The following REV1 variants were observed in gnomAD, a reference collection of about 807,000 sequenced individuals.
REV1 encodes translesion synthesis protein REV1.
REV1 carries 42 observed loss-of-function variants against 137.4 expected under a neutral mutation model. The ratio of observed to expected loss-of-function variants is 0.31; its 90% CI spans 0.24 to 0.40. The LOEUF (loss-of-function observed/expected upper bound fraction) is 0.40. Ranked by LOEUF, REV1 falls within the 10% of genes least tolerant of loss-of-function variation. REV1 has a pLI of 1.00. For synonymous variants in REV1, 524 were observed against 519.2 expected (o/e 1.01, Z -0.12); for missense variants, 1,282 against 1,490.1 (o/e 0.86, Z 2.30).
chr2:99,406,208 T>C, intron 16 of REV1, 102 bp from the exon 17 acceptor site: 1 of 1,399,128 alleles, frequency 7.1e-7, no homozygotes, highest in African/African-American at 1.4e-5. Context: ...TGATTCATCA[T>C]AATGAAGAAT....
At chr2:99,445,270 G>T (rs563685555) in intron 4 of REV1, among the ~76,000 whole-genome samples, 1 of 152,254 alleles carries the variant, frequency 6.6e-6, no homozygotes, top group East Asian at 1.9e-4. Flanking sequence ...TGACTCATAT[G>T]TAAGCACATG....
intron 11 of REV1, among the ~76,000 whole-genome samples, chr2:99,419,227 T>TG (rs1224346643): frequency 1.2e-4 from 17 of 141,180 alleles, no homozygotes; most frequent in South Asian, 4.4e-4. Flanking sequence ...TTTTTTTTTT[T>TG]GGGGGATGGA....
intron 1 of REV1, among the ~76,000 whole-genome samples, chr2:99,486,314 G>A (rs909589658): frequency 2.6e-5 from 4 of 152,236 alleles, no homozygotes; most frequent in Admixed American, 2.6e-4. Flanking sequence ...CGGATCACGA[G>A]GTCAGGAGAC....
chr2:99,430,603 G>C (rs1679990583), intron 8 of REV1, among the ~76,000 whole-genome samples: 1 of 152,170 alleles, frequency 6.6e-6, no homozygotes, highest in South Asian at 2.1e-4. Flanking sequence ...ATTCAAGTGT[G>C]ATCAGAGTAT....
At chr2:99,427,948 C>T (rs985575692) in intron 9 of REV1, among the ~76,000 whole-genome samples, 8 of 151,918 alleles carry the variant, frequency 5.3e-5, no homozygotes, top group East Asian at 1.9e-4. Context: ...TTATATTTAC[C>T]GTGGGTAAAT....
At chr2:99,442,559 T>C in intron 4 of REV1, 90 bp from the exon 5 acceptor site, 1 of 1,202,324 alleles carries the variant, frequency 8.3e-7, no homozygotes, top group South Asian at 1.3e-5. Context: ...AGATACAGTA[T>C]TTCACCAACA....
intron 9 of REV1, among the ~76,000 whole-genome samples, chr2:99,426,597 C>A (rs1679405779): frequency 6.6e-6 from 1 of 152,010 alleles, no homozygotes. Context: ...CTTAGGTTTG[C>A]CATACTAAGG....
At chr2:99,419,205 AT>A (rs774732084) in intron 11 of REV1, among the ~76,000 whole-genome samples, 3,420 of 115,962 alleles carry the variant, frequency 0.029, 34 homozygotes, top group Middle Eastern at 0.042. Flanking sequence ...AGCAGTCCTG[AT>A]TTTTTTTTTT....
intron 4 of REV1, among the ~76,000 whole-genome samples, chr2:99,445,774 A>T (rs1205693713): frequency 6.6e-6 from 1 of 152,198 alleles, no homozygotes; most frequent in Non-Finnish European, 1.5e-5. Flanking sequence ...TCATGAAAGG[A>T]TTCCCTTGCC....
intron 8 of REV1, among the ~76,000 whole-genome samples, chr2:99,432,761 G>A (rs975021295): frequency 5.3e-5 from 8 of 152,116 alleles, no homozygotes; most frequent in African/African-American, 1.9e-4. Context: ...AGATGTGAAG[G>A]GGATGTGATT....
Position 99,447,991 on chromosome 2 carries a change from C to T in REV1, c.350+1345G>A, listed in dbSNP as rs181884881. Among the ~76,000 whole-genome samples the T allele has an allele frequency of 6.4e-4, 97 of 152,254 alleles. 3 individuals are homozygous for T. The East Asian group carries it at 0.017, about 26-fold the overall frequency. On this transcript the variant is annotated intron_variant, in intron 4 of 22. Transcript: ENST00000258428. ...GATTACAGGCATGAGCCACCATGCC[C>T]GGCCAAGCATAAAGTTTCTAAAATT...
intron 1 of REV1, 150 bp from the exon 2 acceptor site, chr2:99,465,135 C>T: frequency 1.5e-6 from 1 of 672,710 alleles, no homozygotes; most frequent in Non-Finnish European, 2.5e-6. Flanking sequence ...TTCTGAAGTT[C>T]TCCATTCTCC....
chr2:99,445,011 T>C (rs567164309), intron 4 of REV1, among the ~76,000 whole-genome samples: 2 of 152,316 alleles, frequency 1.3e-5, no homozygotes, highest in South Asian at 2.1e-4. Context: ...TATTCTGATA[T>C]ATACATGAAA....
intron 16 of REV1, 88 bp downstream of exon 16, chr2:99,406,237 A>AT: frequency 6.9e-7 from 1 of 1,458,912 alleles, no homozygotes; most frequent in Non-Finnish European, 9.2e-7. Flanking sequence ...TTAAAATCAC[A>AT]TAAAGCTGTG....
rs553476167 is a variant in REV1 at position 99,461,795 on chromosome 2, T to C, written c.181+701A>G. 2.6e-5 allele frequency among the ~76,000 whole-genome samples: 4 copies of C among 152,198 alleles called. No individual in the cohort carries two copies. In the East Asian group the frequency reaches 7.7e-4, roughly 29 times the overall value. ...GTAAAACAAAGAGAAAGTCATGAAATAAACACACAGGCACCTTCAAAAGTG... is the reference window on the plus strand; with the variant it reads ...GTAAAACAAAGAGAAAGTCATGAAACAAACACACAGGCACCTTCAAAAGTG... On this transcript the variant is annotated intron_variant, in intron 3 of 22. Coordinates refer to ENST00000258428, the MANE Select transcript of REV1 (RefSeq NM_016316.4).
In REV1 at chr2:99,402,306, A is replaced by G; in HGVS notation, c.3582T>C (p.Cys1194=). ...EEDILQVVKY[C]TDLIEEKDLE... Reference sequence around the variant, plus strand: ...AATCTTTTTCTTCTATTAGATCAGTACAGTATTTCACAACTTGGAGAATGT... The same window carrying G: ...AATCTTTTTCTTCTATTAGATCAGTGCAGTATTTCACAACTTGGAGAATGT... Residue 1194 remains cysteine (C), a synonymous_variant, in exon 22 of 23, where the codon TGT becomes TGC. Transcript: ENST00000258428. 6.5e-7 allele frequency: 1 copy of G among 1,535,956 alleles called. No homozygotes were observed. The highest frequency in any genetic ancestry group is 8.9e-7 in the Non-Finnish European group (1 of 1,120,460).
At chr2:99,425,749 T>C (rs1205823551) in intron 9 of REV1, among the ~76,000 whole-genome samples, 1 of 152,178 alleles carries the variant, frequency 6.6e-6, no homozygotes, top group East Asian at 1.9e-4. Flanking sequence ...AAAAATGTGT[T>C]TATAAGGCCG....
chr2:99,420,374 A>C (rs1422714100), intron 11 of REV1, among the ~76,000 whole-genome samples: 1 of 152,150 alleles, frequency 6.6e-6, no homozygotes, highest in African/African-American at 2.4e-5. Flanking sequence ...CTCCTGCCCT[A>C]AATTGTCCCA....
At chr2:99,414,889 T>C (rs1677641735) in intron 12 of REV1, among the ~76,000 whole-genome samples, 1 of 152,236 alleles carries the variant, frequency 6.6e-6, no homozygotes, top group Admixed American at 6.5e-5. Context: ...AGTTTAAAAT[T>C]TTAGAGTATC....
Sources: allele counts gnomAD v4.1 joint callset (sites outside exome capture counted in the v4.1 genomes callset), GRCh38; gene constraint gnomAD v4.1.1; transcripts MANE v1.5; gene names NCBI Gene and HGNC (gene_info 2026-07-23, HGNC 2026-07-21).